The following PCDH9 variants were observed in gnomAD, a reference collection of about 807,000 sequenced individuals.
PCDH9 encodes protocadherin 9, also known as protocadherin-9.
In PCDH9, 24 loss-of-function variants were observed where a neutral mutation model predicts 70.6. The observed-to-expected ratio is 0.34, with a 90% CI of 0.25 to 0.48. The LOEUF is 0.48. PCDH9 is among the 20% of genes least tolerant of loss of function. The pLI is 0.99. For synonymous variants in PCDH9, 562 were observed against 558.5 expected, an observed-to-expected ratio of 1.01 and a Z score of -0.09; for missense variants, 1,281 against 1,503.6, an observed-to-expected ratio of 0.85 and a Z score of 2.45.
chr13:66,895,294 C>T (rs1281147296), intron 3 of PCDH9, among the ~76,000 whole-genome samples: 1 of 152,154 alleles, frequency 6.6e-6, no homozygotes, highest in East Asian at 1.9e-4. Context: ...AATGGGATCT[C>T]ACAGTTTTCA....
intron 4 of PCDH9, among the ~76,000 whole-genome samples, chr13:66,486,423 C>G (rs1200795997): frequency 6.6e-6 from 1 of 151,246 alleles, no homozygotes; most frequent in Non-Finnish European, 1.5e-5. Context: ...TGCTGCTGCA[C>G]TCCAGCCTGG....
rs530879522 is a variant in PCDH9 at position 66,380,962 on chromosome 13, G to C, written c.3341-75934C>G. On this transcript the variant is annotated intron_variant, in intron 4 of 4. Transcript: ENST00000377865. ...CTCTGATTAAGTTGAAGTAATACGC[G>C]TGTCAACTTTCAGTAAGAGACACAC... Among the ~76,000 whole-genome samples the C allele has an allele frequency of 1.3e-4, 20 of 152,210 alleles. No homozygotes were observed. The South Asian group carries it at 3.7e-3, about 28-fold the overall frequency.
In PCDH9 at chr13:67,054,737, A is replaced by C. The variant is rs2138106868; in HGVS notation, c.3037-151132T>G. On this transcript the variant is annotated intron_variant, in intron 2 of 4. Coordinates refer to ENST00000377865, the MANE Select transcript of PCDH9 (RefSeq NM_203487.3). ...TATAATCAATGTTGAGAAATTTGTT[A>C]TAATCAAAGCAGCTTAAAGAGTTAA... is the stretch of plus-strand genomic sequence containing the variant. Among the ~76,000 whole-genome samples the C allele has an allele frequency of 1.3e-5, 2 of 152,312 alleles. 1 individual carries two copies. The highest frequency in any genetic ancestry group is 4.1e-4 in the South Asian group (2 of 4,828).
chr13:66,483,461 A>G lies in PCDH9; in HGVS notation c.3340+147749T>C, dbSNP rs149012220. Among the ~76,000 whole-genome samples the G allele has an allele frequency of 3.5e-4, 54 of 152,330 alleles. 1 individual carries two copies. The highest frequency in any genetic ancestry group is 1.1e-3 in the African/African-American group (47 of 41,580). ...GCAGGGTGAAGGAAGTTCCTATTAC[A>G]TCACCACCAACTTGGAGACATGAAG... On this transcript the variant is annotated intron_variant, in intron 4 of 4. Coordinates refer to ENST00000377865, the MANE Select transcript of PCDH9 (RefSeq NM_203487.3).
At chr13:66,349,109 G>A (rs779699487) in intron 4 of PCDH9, among the ~76,000 whole-genome samples, 14 of 152,184 alleles carry the variant, frequency 9.2e-5, no homozygotes, top group Non-Finnish European at 1.9e-4. Flanking sequence ...ATTACTGAGA[G>A]TTTGACAAAC....
chr13:66,648,641 A>C (rs2138984097), intron 3 of PCDH9, among the ~76,000 whole-genome samples: 1 of 152,268 alleles, frequency 6.6e-6, no homozygotes, highest in African/African-American at 2.4e-5. Flanking sequence ...ACTGCAATAA[A>C]TACCTAACTT....
At chr13:66,409,520 A>G (rs1593931462) in intron 4 of PCDH9, among the ~76,000 whole-genome samples, 1 of 152,110 alleles carries the variant, frequency 6.6e-6, no homozygotes, top group Non-Finnish European at 1.5e-5. Context: ...TATTTTCTAC[A>G]TCTGAACATT....
intron 2 of PCDH9, among the ~76,000 whole-genome samples, chr13:67,022,758 T>C (rs1269207605): frequency 1.3e-5 from 2 of 152,148 alleles, no homozygotes; most frequent in East Asian, 3.9e-4. Flanking sequence ...TTTTGTGTGA[T>C]ATTCTCTAAG....
At chr13:66,907,635 C>G (rs1242833587) in intron 2 of PCDH9, among the ~76,000 whole-genome samples, 1 of 152,092 alleles carries the variant, frequency 6.6e-6, no homozygotes, top group East Asian at 1.9e-4. Flanking sequence ...AAAAGCACTT[C>G]TAGCCATATT....
chr13:66,468,118 G>T (rs1958550708), intron 4 of PCDH9, among the ~76,000 whole-genome samples: 1 of 151,918 alleles, frequency 6.6e-6, no homozygotes, highest in African/African-American at 2.4e-5. Context: ...ATGCCCAAAA[G>T]TGTCCTAATT....
At chr13:66,512,639 AAC>A (rs756560249) in intron 4 of PCDH9, among the ~76,000 whole-genome samples, 1 of 152,070 alleles carries the variant, frequency 6.6e-6, no homozygotes, top group Non-Finnish European at 1.5e-5. Context: ...CGAGAAGTAA[AAC>A]ACACACACAG....
intron 2 of PCDH9, among the ~76,000 whole-genome samples, chr13:67,089,750 A>C (rs1208768681): frequency 6.6e-6 from 1 of 152,038 alleles, no homozygotes; most frequent in Non-Finnish European, 1.5e-5. Flanking sequence ...GAAATTTTTC[A>C]CTTACGTTCA....
intron 3 of PCDH9, among the ~76,000 whole-genome samples, chr13:66,640,745 C>T (rs865968488): frequency 1.3e-5 from 2 of 152,098 alleles, no homozygotes; most frequent in Admixed American, 1.3e-4. Flanking sequence ...CTGAGAAGTA[C>T]GATTACTGTA....
intron 4 of PCDH9, among the ~76,000 whole-genome samples, chr13:66,431,723 C>T (rs1957773353): frequency 1.3e-5 from 2 of 151,946 alleles, no homozygotes; most frequent in Non-Finnish European, 2.9e-5. Context: ...AAGACACCCA[C>T]AGACAAATTA....
intron 2 of PCDH9, among the ~76,000 whole-genome samples, chr13:67,042,511 C>A (rs1420650580): frequency 6.6e-6 from 1 of 151,974 alleles, no homozygotes; most frequent in Non-Finnish European, 1.5e-5. Flanking sequence ...AAAACAAAAA[C>A]AAAACAAACA....
At chr13:66,999,339 A>G (rs535146169) in intron 2 of PCDH9, among the ~76,000 whole-genome samples, 15 of 152,368 alleles carry the variant, frequency 9.8e-5, no homozygotes, top group African/African-American at 3.6e-4. Flanking sequence ...CCTTAAAAAA[A>G]GAAGTGAAGG....
intron 2 of PCDH9, among the ~76,000 whole-genome samples, chr13:66,987,384 C>A (rs998416105): frequency 6.6e-6 from 1 of 152,044 alleles, no homozygotes; most frequent in African/African-American, 2.4e-5. Context: ...GGCATCATTA[C>A]ATTACTGCTT....
chr13:66,617,248 G>A (rs1430757342), intron 4 of PCDH9, among the ~76,000 whole-genome samples: 2 of 152,124 alleles, frequency 1.3e-5, no homozygotes, highest in Non-Finnish European at 2.9e-5. Flanking sequence ...GGAATGCAAG[G>A]ATGGAAGATG....
At chr13:67,147,466 C>T (rs2087550419) in intron 2 of PCDH9, among the ~76,000 whole-genome samples, 1 of 152,136 alleles carries the variant, frequency 6.6e-6, no homozygotes, top group Admixed American at 6.6e-5. Flanking sequence ...CAGTCAGGGC[C>T]CAGTCTTCAG....
Sources: gnomAD v4.1 joint callset for allele counts (sites outside exome capture counted in the v4.1 genomes callset) on GRCh38, gnomAD v4.1.1 for gene constraint, MANE v1.5 for transcripts, NCBI Gene and HGNC (gene_info 2026-07-23, HGNC 2026-07-21) for gene names.